The following BAIAP2L1 variants were observed in gnomAD, a reference collection of about 807,000 sequenced individuals.
BAIAP2L1 encodes the protein BAR/IMD domain containing adaptor protein 2 like 1, also known as BAR/IMD domain-containing adapter protein 2-like 1.
A neutral mutation model predicts 66.3 loss-of-function variants in BAIAP2L1; 35 were observed. That is an observed-to-expected ratio of 0.53 (90% CI 0.40 to 0.70). BAIAP2L1 has a LOEUF of 0.70. Ranked by LOEUF, BAIAP2L1 falls within the 30% of genes least tolerant of loss-of-function variation. The pLI is 0.00. For missense variants in BAIAP2L1, 622 were observed against 656.9 expected (o/e 0.95, Z 0.58); for synonymous variants, 269 against 248.7 (o/e 1.08, Z -0.77).
intron 12 of BAIAP2L1, among the ~76,000 whole-genome samples, chr7:98,299,587 G>A (rs1800336175): frequency 6.6e-6 from 1 of 151,990 alleles, no homozygotes; most frequent in Admixed American, 6.6e-5. Context: ...GAGTTCCTGG[G>A]CTCAAGTGAT....
At chr7:98,293,926 A>T (rs1292585517) in intron 13 of BAIAP2L1, 148 bp downstream of exon 13, 7 of 927,838 alleles carry the variant, frequency 7.5e-6, no homozygotes, top group Non-Finnish European at 1.0e-5. Flanking sequence ...TGGTAAAGCG[A>T]GCAGGGGGCT....
intron 3 of BAIAP2L1, among the ~76,000 whole-genome samples, chr7:98,323,852 C>T (rs145155136): frequency 6.6e-6 from 1 of 152,318 alleles, no homozygotes; most frequent in East Asian, 1.9e-4. Context: ...CTGCAAGTAG[C>T]CGAAAGAGTA....
Position 98,291,834 on chromosome 7 carries a change from A to G in BAIAP2L1, c.*1687T>C, listed in dbSNP as rs1197946516. On this transcript the variant is annotated 3_prime_UTR_variant, in exon 14 of 14. Coordinates refer to ENST00000005260, the MANE Select transcript of BAIAP2L1 (RefSeq NM_018842.5). ...GGTCCTATTCTTCCACCCCGTAACA[A>G]AACCAGAAACCTCCCCAAGGCAGAA... is the stretch of plus-strand genomic sequence containing the variant. The G allele has an allele frequency of 6.5e-6, 1 of 152,894 alleles. No individual in the cohort carries two copies. The highest frequency in any genetic ancestry group is 1.5e-5 in the Non-Finnish European group (1 of 68,640). 9.5% of individuals were successfully genotyped at this position (152,894 alleles called of 1,614,324 possible).
chr7:98,376,727 G>A (rs1305121381), intron 1 of BAIAP2L1, among the ~76,000 whole-genome samples: 1 of 151,810 alleles, frequency 6.6e-6, no homozygotes, highest in Non-Finnish European at 1.5e-5. Flanking sequence ...AGCTACTCGG[G>A]GGGCTGAGGC....
At chr7:98,353,103 T>A (rs1313880000) in intron 3 of BAIAP2L1, among the ~76,000 whole-genome samples, 1 of 151,880 alleles carries the variant, frequency 6.6e-6, no homozygotes, top group African/African-American at 2.4e-5. Context: ...AGAACAGAGT[T>A]ACTACAGTTC....
intron 12 of BAIAP2L1, among the ~76,000 whole-genome samples, chr7:98,303,788 T>G (rs1279521304): frequency 6.6e-6 from 1 of 151,956 alleles, no homozygotes; most frequent in Admixed American, 6.6e-5. Context: ...TGCCTGGGAG[T>G]AAAGACTTTC....
At chr7:98,338,335 T>C (rs1023864154) in intron 3 of BAIAP2L1, among the ~76,000 whole-genome samples, 2 of 148,714 alleles carry the variant, frequency 1.3e-5, no homozygotes, top group African/African-American at 5.0e-5. Context: ...GGCAGGAGAA[T>C]GGCGTGAACC....
Position 98,317,438 on chromosome 7 carries a change from G to A in BAIAP2L1, c.349-82C>T. ...GTTTGCCTTTACTCACACTTCCACT[G>A]TGTGTGGCTCAACGGGGCCCTGACA... On this transcript the variant is annotated intron_variant, in intron 5 of 13. Coordinates refer to ENST00000005260, the MANE Select transcript of BAIAP2L1 (RefSeq NM_018842.5). The A allele has an allele frequency of 1.4e-5, 22 of 1,554,618 alleles. 1 individual carries two copies. The South Asian group carries it at 2.5e-4, about 18-fold the overall frequency.
intron 12 of BAIAP2L1, among the ~76,000 whole-genome samples, chr7:98,303,130 AC>A (rs1173269881): frequency 6.6e-6 from 1 of 152,158 alleles, no homozygotes. Context: ...GCATTCCTAA[AC>A]CAAATCATGC....
intron 1 of BAIAP2L1, among the ~76,000 whole-genome samples, chr7:98,393,654 C>T (rs1310112902): frequency 2.6e-5 from 4 of 151,376 alleles, no homozygotes; most frequent in Non-Finnish European, 5.9e-5. Flanking sequence ...CCCGCCACCG[C>T]GCCTGGATAA....
chr7:98,370,732 A>C (rs1212535220), intron 1 of BAIAP2L1, among the ~76,000 whole-genome samples: 1 of 150,600 alleles, frequency 6.6e-6, no homozygotes, highest in Non-Finnish European at 1.5e-5. Flanking sequence ...CGATCTCCTG[A>C]CCTCATGATC....
In BAIAP2L1 at chr7:98,310,519, G is replaced by T; in HGVS notation, c.881C>A (p.Thr294Asn). The T allele has an allele frequency of 6.2e-7, 1 of 1,605,858 alleles. No individual in the cohort carries two copies. Among genetic ancestry groups the T allele is most frequent in the South Asian group, 1.1e-5 (1 of 88,798 alleles). ...MPPAPSGRAY[T>N]SPLIDMFNNP... Reference sequence around the variant, plus strand: ...ATTAAACATATCGATCAAGGGACTGGTATATGCTCTGCCTGAAGGAGCGGG... The same window carrying T: ...ATTAAACATATCGATCAAGGGACTGTTATATGCTCTGCCTGAAGGAGCGGG... The change falls in exon 9 of 14, where the codon ACC becomes AAC. Residue 294 changes from threonine (T) to asparagine (N), a missense_variant. Physicochemically the swap from Thr to Asn is moderately conservative, Grantham distance 65. Coordinates refer to ENST00000005260, the MANE Select transcript of BAIAP2L1 (RefSeq NM_018842.5).
In BAIAP2L1 at chr7:98,355,278, T is replaced by G. The variant is rs1802093362; in HGVS notation, c.128-150A>C. On this transcript the variant is annotated intron_variant, in intron 2 of 13. Transcript: ENST00000005260. ...TGGCTCTCAGGAGGTAAGACCTGTG[T>G]TGAGAGTGGTGCCGGGGTGGAGGCC... 9 of 645,222 alleles carry G rather than the reference T, an allele frequency of 1.4e-5. No homozygotes were observed. The South Asian group carries it at 1.6e-4, about 11-fold the overall frequency. The allele number at this position is 645,222 out of a possible 1,614,324, so 40.0% of individuals were successfully genotyped here.
At chr7:98,365,080 T>C (rs1584488200) in intron 1 of BAIAP2L1, among the ~76,000 whole-genome samples, 1 of 150,784 alleles carries the variant, frequency 6.6e-6, no homozygotes. Context: ...CATTTCTTCC[T>C]ATGTGACTTT....
chr7:98,362,120 G>C (rs1584486040), intron 2 of BAIAP2L1, among the ~76,000 whole-genome samples: 1 of 152,058 alleles, frequency 6.6e-6, no homozygotes, highest in Non-Finnish European at 1.5e-5. Flanking sequence ...AAAGTAGAAA[G>C]CACGGTTTTA....
At chr7:98,340,185 C>T (rs570089699) in intron 3 of BAIAP2L1, among the ~76,000 whole-genome samples, 22 of 152,302 alleles carry the variant, frequency 1.4e-4, no homozygotes, top group African/African-American at 4.3e-4. Context: ...CAGGAAATGA[C>T]GTTTCAGGTT....
intron 6 of BAIAP2L1, among the ~76,000 whole-genome samples, chr7:98,316,394 G>A (rs903907928): frequency 3.9e-5 from 6 of 152,140 alleles, no homozygotes; most frequent in Non-Finnish European, 7.3e-5. Context: ...TAGTAACACT[G>A]ATCATGGAGA....
chr7:98,377,265 G>T (rs971214234), intron 1 of BAIAP2L1, among the ~76,000 whole-genome samples: 1 of 152,120 alleles, frequency 6.6e-6, no homozygotes, highest in African/African-American at 2.4e-5. Flanking sequence ...TGCTAATGAC[G>T]ACGACGTGGT....
At chr7:98,397,932 A>C (rs1329280157) in intron 1 of BAIAP2L1, among the ~76,000 whole-genome samples, 1 of 152,208 alleles carries the variant, frequency 6.6e-6, no homozygotes, top group East Asian at 1.9e-4. Context: ...TCATTTGCCT[A>C]CGTATACATT....
Sources: allele counts gnomAD v4.1 joint callset (sites outside exome capture counted in the v4.1 genomes callset), GRCh38; gene constraint gnomAD v4.1.1; transcripts MANE v1.5; gene names NCBI Gene and HGNC (gene_info 2026-07-23, HGNC 2026-07-21).